P3H1: variants seen among roughly 807,000 people sequenced by gnomAD.
P3H1 encodes growth suppressor 1.
A neutral mutation model predicts 84.0 loss-of-function variants in P3H1; 69 were observed. The ratio of observed to expected loss-of-function variants is 0.82; its 90% CI spans 0.68 to 1.00. P3H1 has a LOEUF of 1.00. P3H1 is among the 50% of genes least tolerant of loss of function. The pLI, the probability that P3H1 is intolerant of heterozygous loss-of-function variation, is 0.00. For synonymous variants in P3H1, 366 were observed against 388.8 expected (o/e 0.94, Z 0.69); for missense variants, 878 against 962.8 (o/e 0.91, Z 1.17).
rs750685729 is a variant in P3H1, at chr1:42,750,266, C to A, written c.1640G>T (p.Arg547Leu). ...CAGGCGGAAGTAGGACTCCATGATG[C>A]GCCGCACCTTCTCCGTCACGTTGTA... is the stretch of plus-strand genomic sequence containing the variant. ...LYYNVTEKVR[R>L]IMESYFRLDT... Residue 547 changes from arginine (R) to leucine (L), a missense_variant, in exon 11 of 15, where the codon CGC becomes CTC. Physicochemically the swap from Arg to Leu is moderately radical, Grantham distance 102. Coordinates refer to ENST00000296388, the MANE Select transcript of P3H1 (RefSeq NM_022356.4). 6.2e-7 allele frequency: 1 copy of A among 1,613,908 alleles called. No individual in the cohort carries two copies. Among genetic ancestry groups the A allele is most frequent in the Non-Finnish European group, 8.5e-7 (1 of 1,179,964 alleles).
rs1308599907 is a variant in P3H1, at chr1:42,748,266, C to T, written c.1772G>A (p.Cys591Tyr). Residue 591 changes from cysteine (C) to tyrosine (Y), a missense_variant, in exon 12 of 15, where the codon TGC (cysteine) becomes TAC (tyrosine). Cys to Tyr is a radical substitution (Grantham distance 194). Coordinates refer to ENST00000296388, the MANE Select transcript of P3H1 (RefSeq NM_022356.4). ...DDSHPVHVDN[C>Y]ILNAETLVCV... ...CACGAGGGTCTCGGCATTCAGGATG[C>T]AGTTGTCCACGTGGACTGGATGACT... The T allele has an allele frequency of 1.2e-6, 2 of 1,614,030 alleles. No individual in the cohort carries two copies. Among genetic ancestry groups the T allele is most frequent in the East Asian group, 4.5e-5 (2 of 44,874 alleles).
chr1:42,761,341 A>G (rs1336554012), intron 2 of P3H1: 1 of 152,192 alleles, frequency 6.6e-6, no homozygotes, highest in Non-Finnish European at 1.5e-5. Flanking sequence ...TAAACTCTCT[A>G]TAAAATGCTA....
chr1:42,747,714 A>G lies in P3H1; in HGVS notation c.1914+9T>C, dbSNP rs761872780. ...TATCTCCCAGGGACAAGGACAAGGG[A>G]GCACTCACCGTCACGGTCTTGGCAT... On this transcript the variant is annotated intron_variant, in intron 13 of 14. Coordinates refer to ENST00000296388, the MANE Select transcript of P3H1 (RefSeq NM_022356.4). 6 of 1,613,806 alleles carry G rather than the reference A, an allele frequency of 3.7e-6. No individual in the cohort carries two copies. The highest frequency in any genetic ancestry group is 1.7e-6 in the Non-Finnish European group (2 of 1,179,664).
rs1477287813 is a variant in P3H1, at chr1:42,761,251, T to C, written c.618+1072A>G. 9 of 152,214 alleles carry C rather than the reference T, an allele frequency of 5.9e-5. 1 individual carries two copies. Among genetic ancestry groups the C allele is most frequent in the Admixed American group, 5.9e-4 (9 of 15,280 alleles). 9.4% of individuals were successfully genotyped at this position (152,214 alleles called of 1,614,324 possible). A position where few individuals can be genotyped will look rare whatever the true frequency, so the allele number is the denominator to read the frequency against. ...TCCCAAAGTGCTGGGATTACAGGTGTTAGCCACTGCGCCTGGCCTATAAGT... is the reference window on the plus strand; with the variant it reads ...TCCCAAAGTGCTGGGATTACAGGTGCTAGCCACTGCGCCTGGCCTATAAGT... On this transcript the variant is annotated intron_variant, in intron 2 of 14. Transcript: ENST00000296388.
intron 1 of P3H1, among the ~76,000 whole-genome samples, chr1:42,763,949 C>T (rs1359678553): frequency 2.6e-5 from 4 of 151,652 alleles, no homozygotes; most frequent in East Asian, 3.9e-4. Context: ...TTGAGACCAG[C>T]GGATCATGAG....
At chr1:42,748,808 GAGA>G (rs1214758937) in intron 11 of P3H1, 7 of 255,554 alleles carry the variant, frequency 2.7e-5, no homozygotes, top group African/African-American at 1.5e-4. Flanking sequence ...ACCATGCAGG[GAGA>G]AGGTCACGAA....
At chr1:42,758,070 G>T in intron 4 of P3H1, 148 bp from the exon 5 acceptor site, 1 of 782,416 alleles carries the variant, frequency 1.3e-6, no homozygotes. Context: ...TAACATGATG[G>T]CCTGATTTCA....
chr1:42,747,193 A>G (rs1192128788), intron 14 of P3H1, 79 bp downstream of exon 14: 1 of 1,614,218 alleles, frequency 6.2e-7, no homozygotes, highest in African/African-American at 1.3e-5. Flanking sequence ...GATTTGGGGA[A>G]GAGAAAGGCA....
At chr1:42,755,719 C>A (rs1652372038) in intron 5 of P3H1, 82 bp from the exon 6 acceptor site, 2 of 1,001,846 alleles carry the variant, frequency 2.0e-6, no homozygotes, top group South Asian at 1.3e-5. Context: ...TGGCACCCCA[C>A]ACTGATGCTC....
intron 10 of P3H1, 131 bp downstream of exon 10, chr1:42,752,143 G>A: frequency 1.3e-6 from 1 of 786,000 alleles, no homozygotes; most frequent in South Asian, 1.4e-5. Flanking sequence ...CTCGCTTCCT[G>A]GCAACAAGAA....
chr1:42,761,432 T>C (rs1258045359), intron 2 of P3H1: 1 of 152,226 alleles, frequency 6.6e-6, no homozygotes, highest in Non-Finnish European at 1.5e-5. Flanking sequence ...CTGTAACATT[T>C]ATTGTAGTGA....
rs1652290494 is a variant in P3H1, at chr1:42,754,734, T to C, written c.1345+135A>G. The C allele has an allele frequency of 8.9e-7, 1 of 1,123,664 alleles. No homozygotes were observed. The highest frequency in any genetic ancestry group is 1.3e-6 in the Non-Finnish European group (1 of 754,384). 69.6% of individuals were successfully genotyped at this position (1,123,664 alleles called of 1,614,324 possible). On this transcript the variant is annotated intron_variant, in intron 8 of 14. Coordinates refer to ENST00000296388, the MANE Select transcript of P3H1 (RefSeq NM_022356.4). This position sits in a 1 kb window ranked among gnomAD's most constrained non-coding sequence, Gnocchi z 4.0. ...CTGGTGAGTTAGGAAGGATGTCCAC[T>C]GAACTTGCACCCTAAGGGTGGCTGG...
rs1652135843 is a variant in P3H1 at position 42,752,170 on chromosome 1, C to T, written c.1569+104G>A. 3 of 940,608 alleles carry T rather than the reference C, an allele frequency of 3.2e-6. No homozygotes were observed. The Admixed American group carries it at 5.2e-5, about 16-fold the overall frequency. The allele number at this position is 940,608 out of a possible 1,614,324, so 58.3% of individuals were successfully genotyped here. On this transcript the variant is annotated intron_variant, in intron 10 of 14. Transcript: ENST00000296388. Reference sequence around the variant, plus strand: ...CAACAAGAATGTTGGCAGGTGGACCCTCTTCACCTTTCCTGCCACCAGCCC... The same window carrying T: ...CAACAAGAATGTTGGCAGGTGGACCTTCTTCACCTTTCCTGCCACCAGCCC...
At chr1:42,766,012 C>A (rs1652969636) in intron 1 of P3H1, among the ~76,000 whole-genome samples, 1 of 87,540 alleles carries the variant, frequency 1.1e-5, no homozygotes, top group African/African-American at 4.3e-5. Flanking sequence ...GAGGGTCCCC[C>A]CCCCGCCCCC....
chr1:42,761,931 C>A, intron 2 of P3H1: 1 of 224,416 alleles, frequency 4.5e-6, no homozygotes, highest in Non-Finnish European at 8.9e-6. Flanking sequence ...TGATATAACA[C>A]CAAATTAGAT....
chr1:42,748,332 A>G lies in P3H1; in HGVS notation c.1721-15T>C. Reference sequence around the variant, plus strand: ...TGCCTGGACCTCTGGGGCCAATGTCACACATGTTAGCAAGGGAGCACCTCG... The same window carrying G: ...TGCCTGGACCTCTGGGGCCAATGTCGCACATGTTAGCAAGGGAGCACCTCG... On this transcript the variant is annotated splice_polypyrimidine_tract_variant and intron_variant, in intron 11 of 14. Transcript: ENST00000296388. 1 of 1,593,020 alleles carries G rather than the reference A, an allele frequency of 6.3e-7. No individual in the cohort carries two copies. Among genetic ancestry groups the G allele is most frequent in the Non-Finnish European group, 8.6e-7 (1 of 1,161,314 alleles).
In P3H1 at chr1:42,766,439, C is replaced by A. The variant is rs1653002530; in HGVS notation, c.465+68G>T. On this transcript the variant is annotated intron_variant, in intron 1 of 14. Transcript: ENST00000296388. The stretch of plus-strand genomic sequence containing the variant: ...GACACTTCCCCGATCCCCCAAGCTC[C>A]TCAGGTCCCCTGCAACACTCCTCTC... 7 of 1,394,488 alleles carry A rather than the reference C, an allele frequency of 5.0e-6. No homozygotes were observed. In the South Asian group the frequency reaches 7.5e-5, roughly 15 times the overall value. 86.4% of individuals were successfully genotyped at this position (1,394,488 alleles called of 1,614,324 possible).
In P3H1 at chr1:42,752,551, G is replaced by A. The variant is rs1229143002; in HGVS notation, c.1459C>T (p.Gln487Ter). 5.6e-6 allele frequency: 9 copies of A among 1,614,076 alleles called. No homozygotes were observed. Among genetic ancestry groups the A allele is most frequent in the Non-Finnish European group, 7.6e-6 (9 of 1,180,058 alleles). The part of the protein sequence containing the change: ...VISDHECQEL[Q>*]RLTNVAATSG... ...GCTTCCCTTACATTGGTCAGTCTCT[G>A]CAGCTCCTGACACTCGTGGTCAGAG... The change falls in exon 9 of 15, where the codon CAG becomes TAG. Residue 487 changes from glutamine to a stop codon, truncating the protein, a stop_gained. Coordinates refer to ENST00000296388, the MANE Select transcript of P3H1 (RefSeq NM_022356.4). LOFTEE classifies it high-confidence loss of function.
chr1:42,762,126 AAAAAC>A, intron 2 of P3H1, 192 bp downstream of exon 2: 1 of 573,992 alleles, frequency 1.7e-6, no homozygotes, highest in Non-Finnish European at 3.1e-6. Context: ...TCATTTAAAA[AAAAAC>A]AAAAGAATGC....
Sources: gnomAD v4.1 joint callset for allele counts (sites outside exome capture counted in the v4.1 genomes callset) on GRCh38, gnomAD v4.1.1 for gene constraint, Gnocchi (gnomAD v3.1) non-coding constraint, MANE v1.5 for transcripts, NCBI Gene and HGNC (gene_info 2026-07-23, HGNC 2026-07-21) for gene names.